Variants in WNK1 observed in about 807,000 individuals in gnomAD.
The protein encoded by WNK1 is WNK lysine deficient protein kinase 1, also known as serine/threonine-protein kinase WNK1.
A neutral mutation model predicts 222.8 loss-of-function variants in WNK1; 38 were observed. The ratio of observed to expected loss-of-function variants is 0.17; its 90% CI spans 0.13 to 0.22. WNK1 has a LOEUF of 0.22. WNK1 is among the 10% of genes least tolerant of loss of function. The probability of loss-of-function intolerance (pLI) is 1.00; values close to 1 mark genes in which losing one functional copy is unlikely to be tolerated. For synonymous variants in WNK1, 1,090 were observed against 1,092.9 expected (o/e 1.00, Z 0.05); for missense variants, 2,348 against 2,918.4 (o/e 0.80, Z 4.50).
At chr12:781,623 G>A (rs951054500) in intron 1 of WNK1, among the ~76,000 whole-genome samples, 1 of 152,000 alleles carries the variant, frequency 6.6e-6, no homozygotes, top group African/African-American at 2.4e-5. Context: ...TTTTTATTTG[G>A]TCTCTTATTA....
At chr12:871,429 T>C (rs559034686) in intron 9 of WNK1, 81 bp downstream of exon 9, 6 of 1,431,462 alleles carry the variant, frequency 4.2e-6, no homozygotes, top group Middle Eastern at 1.8e-4. Flanking sequence ...GTTATATAAA[T>C]GGCCTGCTAA....
chr12:873,331 C>T (rs891059431), intron 9 of WNK1, among the ~76,000 whole-genome samples: 4 of 151,664 alleles, frequency 2.6e-5, no homozygotes, highest in African/African-American at 9.7e-5. Flanking sequence ...GAGAGCAGTA[C>T]CATAAATGTC....
chr12:872,272 C>T (rs1354648380), intron 9 of WNK1, among the ~76,000 whole-genome samples: 14 of 152,138 alleles, frequency 9.2e-5, no homozygotes, highest in African/African-American at 1.7e-4. Context: ...ACTACAGGCG[C>T]GTGCCACTAT....
intron 1 of WNK1, among the ~76,000 whole-genome samples, chr12:778,181 A>C (rs148360687): frequency 0.015 from 2,298 of 152,256 alleles, 14 homozygotes; most frequent in Non-Finnish European, 0.022. Flanking sequence ...AACCAGAAGA[A>C]GGCTACTCCC....
At chr12:871,411 T>G in intron 9 of WNK1, 63 bp downstream of exon 9, 1 of 1,544,610 alleles carries the variant, frequency 6.5e-7, no homozygotes, top group African/African-American at 1.4e-5. Context: ...TTTTAACTTT[T>G]GTGATTTGTT....
At position 865,102 on chromosome 12, in the gene WNK1, G is replaced by A; in HGVS notation, c.2139+2832G>A. The stretch of plus-strand genomic sequence containing the variant: ...TGTTTTTCATGTGTGTGTTTGTTTT[G>A]TGTTGAGCCTCGTCGTGGCCGTAGC... On this transcript the variant is annotated intron_variant, in intron 8 of 27. Transcript: ENST00000315939. 6.6e-7 allele frequency: 1 copy of A among 1,505,824 alleles called. No individual in the cohort carries two copies. The highest frequency in any genetic ancestry group is 8.9e-7 in the Non-Finnish European group (1 of 1,129,508). The allele number at this position is 1,505,824 out of a possible 1,614,324, so 93.3% of individuals were successfully genotyped here.
At chr12:759,804 TAC>T (rs1202340314) in intron 1 of WNK1, among the ~76,000 whole-genome samples, 1 of 147,968 alleles carries the variant, frequency 6.8e-6, no homozygotes, top group Non-Finnish European at 1.5e-5. Flanking sequence ...AGTTTTGTGC[TAC>T]AGTTTCCTGT....
intron 4 of WNK1, among the ~76,000 whole-genome samples, chr12:833,477 G>A (rs901399992): frequency 3.9e-5 from 6 of 152,048 alleles, no homozygotes; most frequent in African/African-American, 1.4e-4. Context: ...ATCCTTTCCT[G>A]TATTCCTATC....
Position 855,841 on chromosome 12 carries a change from TTG to T in WNK1, c.1312-1318_1312-1317del, listed in dbSNP as rs1356844514. 1.1e-4 allele frequency among the ~76,000 whole-genome samples: 16 copies of T among 152,210 alleles called. No homozygotes were observed. In the East Asian group the frequency reaches 2.5e-3, roughly 24 times the overall value. On this transcript the variant is annotated intron_variant, in intron 4 of 27. Coordinates refer to ENST00000315939, the MANE Select transcript of WNK1 (RefSeq NM_018979.4). ...ACACATTGCTGTTTTGTTTTTGTTT[TTG>T]TTTTTGTTTTTTTTAAAGATGGAGT...
At chr12:758,310 T>C (rs1940481803) in intron 1 of WNK1, among the ~76,000 whole-genome samples, 1 of 144,966 alleles carries the variant, frequency 6.9e-6, no homozygotes, top group African/African-American at 2.5e-5. Context: ...AGTATAGCAG[T>C]GTTACAGAAA....
At chr12:863,517 T>C (rs11064576) in intron 8 of WNK1, among the ~76,000 whole-genome samples, 1 of 151,702 alleles carries the variant, frequency 6.6e-6, no homozygotes, top group East Asian at 1.9e-4. Context: ...CCTTTAATTG[T>C]TTTTTTTCTG....
intron 8 of WNK1, among the ~76,000 whole-genome samples, chr12:866,407 G>C (rs1857571057): frequency 1.3e-5 from 2 of 152,188 alleles, no homozygotes; most frequent in South Asian, 4.1e-4. Context: ...TCTGTCGCCA[G>C]GCTGGAGTGC....
Position 753,674 on chromosome 12 carries a change from G to C in WNK1, c.109G>C (p.Glu37Gln). ...NGSSSDSSVG[E>Q]KLGAAAADAV... ...CTCCAGCTCCGATTCCTCCGTGGGG[G>C]AGAAACTGGGAGCCGCGGCCGCCGA... is the stretch of plus-strand genomic sequence containing the variant. The change falls in exon 1 of 28, where the codon GAG (glutamate) becomes CAG (glutamine). Residue 37 changes from glutamate (E) to glutamine (Q), a missense_variant. This residue lies in a region of WNK1 where 108 missense variants were observed against 109.7 expected (regional missense o/e 0.98). Transcript: ENST00000315939. The surrounding 1 kb of genome is among the most constrained non-coding windows in gnomAD (Gnocchi z 5.2). 6.2e-7 allele frequency: 1 copy of C among 1,612,374 alleles called. No individual in the cohort carries two copies. Among genetic ancestry groups the C allele is most frequent in the Non-Finnish European group, 8.5e-7 (1 of 1,179,856 alleles).
intron 8 of WNK1, chr12:868,351 G>T (rs773305739): frequency 6.2e-7 from 1 of 1,613,902 alleles, no homozygotes; most frequent in Middle Eastern, 1.7e-4. Context: ...CATCAGTACT[G>T]TCAAGTCCTA....
chr12:825,824 G>A (rs1205988057), intron 2 of WNK1, among the ~76,000 whole-genome samples: 2 of 152,116 alleles, frequency 1.3e-5, no homozygotes, highest in Admixed American at 6.6e-5. Context: ...AATCATGTGT[G>A]TATTTTAAAG....
chr12:881,635 G>A (rs1324569329), intron 12 of WNK1, 57 bp from the exon 13 acceptor site: 1 of 1,355,276 alleles, frequency 7.4e-7, no homozygotes, highest in East Asian at 2.3e-5. Context: ...GATTATTGGG[G>A]ATAGTGAATG....
At chr12:864,601 CCATCT>C (rs1320043156) in intron 8 of WNK1, among the ~76,000 whole-genome samples, 1 of 152,192 alleles carries the variant, frequency 6.6e-6, no homozygotes, top group African/African-American at 2.4e-5. Flanking sequence ...CAACAACTTT[CCATCT>C]CATGTCTTCT....
chr12:869,130 T>A, intron 8 of WNK1: 1 of 1,613,002 alleles, frequency 6.2e-7, no homozygotes, highest in Non-Finnish European at 8.5e-7. Flanking sequence ...CCACAATTAT[T>A]TTAAACTACC....
intron 11 of WNK1, among the ~76,000 whole-genome samples, chr12:880,342 C>T (rs1327705449): frequency 1.3e-5 from 2 of 152,178 alleles, no homozygotes; most frequent in Non-Finnish European, 2.9e-5. Flanking sequence ...GAATAGCCAA[C>T]ATGGTATCAA....
Sources: allele counts gnomAD v4.1 joint callset (sites outside exome capture counted in the v4.1 genomes callset), GRCh38; gene constraint gnomAD v4.1.1; regional missense constraint gnomAD v4.1.1; non-coding constraint Gnocchi (gnomAD v3.1); transcripts MANE v1.5; gene names NCBI Gene and HGNC (gene_info 2026-07-23, HGNC 2026-07-21).